Variants in COX14 observed in about 807,000 individuals in gnomAD.
COX14 encodes cytochrome c oxidase assembly protein COX14.
COX14 carries 3 observed loss-of-function variants against 5.8 expected under a neutral mutation model. That is an observed-to-expected ratio of 0.51 (90% confidence interval 0.23 to 1.33). COX14 has a LOEUF of 1.33. Ranked by LOEUF, COX14 falls within the 40% of genes most tolerant of loss-of-function variation. The pLI is 0.18. For missense variants in COX14, 72 were observed against 72.1 expected (o/e 1.00, Z 0.01); for synonymous variants, 25 against 26.1 (o/e 0.96, Z 0.13).
chr12:50,119,022 T>C (rs1396898521), intron 1 of COX14, among the ~76,000 whole-genome samples: 1 of 152,230 alleles, frequency 6.6e-6, no homozygotes, highest in Non-Finnish European at 1.5e-5. Flanking sequence ...AGAAGTAATT[T>C]ATCTCATGCA....
At chr12:50,113,343 G>T (rs1290337249) in intron 1 of COX14, among the ~76,000 whole-genome samples, 1 of 144,940 alleles carries the variant, frequency 6.9e-6, no homozygotes, top group African/African-American at 2.6e-5. Context: ...TTGCTCTGTC[G>T]CCCAGGCTGG....
At chr12:50,113,308 T>C (rs1447150045) in intron 1 of COX14, among the ~76,000 whole-genome samples, 1 of 151,792 alleles carries the variant, frequency 6.6e-6, no homozygotes, top group Non-Finnish European at 1.5e-5. Flanking sequence ...ACGCAATTTT[T>C]TTTTTTTTTT....
At chr12:50,112,415 C>T in intron 1 of COX14, 114 bp downstream of exon 1, 1 of 985,820 alleles carries the variant, frequency 1.0e-6, no homozygotes, top group Non-Finnish European at 1.2e-6. Flanking sequence ...GGCCTGGTGC[C>T]CTTGAATTCA....
chr12:50,120,331 G>A lies in COX14; in HGVS notation c.*114G>A. On this transcript the variant is annotated 3_prime_UTR_variant, in exon 2 of 2. Coordinates refer to ENST00000550487, the MANE Select transcript of COX14 (RefSeq NM_032901.4). ...AGAGCGTTGATGGTTTTCAAACCCTGTTGGAAGAAAGTGCCCATGGTTTCT... is the reference window on the plus strand; with the variant it reads ...AGAGCGTTGATGGTTTTCAAACCCTATTGGAAGAAAGTGCCCATGGTTTCT... The A allele has an allele frequency of 1.1e-6, 1 of 915,428 alleles. No individual in the cohort carries two copies. The highest frequency in any genetic ancestry group is 1.6e-6 in the Non-Finnish European group (1 of 610,706). 56.7% of individuals were successfully genotyped at this position (915,428 alleles called of 1,614,324 possible).
intron 1 of COX14, among the ~76,000 whole-genome samples, chr12:50,117,207 G>A (rs1951088485): frequency 6.6e-6 from 1 of 151,912 alleles, no homozygotes; most frequent in African/African-American, 2.4e-5. Context: ...GTGGGGACAG[G>A]GTCTCACTAT....
At chr12:50,116,677 G>T (rs1374994478) in intron 1 of COX14, among the ~76,000 whole-genome samples, 1 of 152,200 alleles carries the variant, frequency 6.6e-6, no homozygotes, top group East Asian at 1.9e-4. Flanking sequence ...GCTCTTTGCA[G>T]GCGGCTTAGC....
intron 1 of COX14, among the ~76,000 whole-genome samples, chr12:50,115,913 T>G (rs146180067): frequency 6.6e-6 from 1 of 152,192 alleles, no homozygotes; most frequent in East Asian, 1.9e-4. Context: ...CCTCTTCTCT[T>G]GTTTCTTATT....
At chr12:50,114,103 A>G (rs576073148) in intron 1 of COX14, among the ~76,000 whole-genome samples, 1 of 150,836 alleles carries the variant, frequency 6.6e-6, no homozygotes, top group Non-Finnish European at 1.5e-5. Flanking sequence ...ACACCCAGCT[A>G]TGGTTCTCAA....
chr12:50,116,154 A>G (rs10747570), intron 1 of COX14, among the ~76,000 whole-genome samples: 107,380 of 149,960 alleles, frequency 0.72, 39,475 homozygotes, highest in East Asian at 0.92. Context: ...GTGCCGTGGC[A>G]CTCTCTTGGC....
chr12:50,117,422 T>C (rs1353160864), intron 1 of COX14, among the ~76,000 whole-genome samples: 1 of 152,058 alleles, frequency 6.6e-6, no homozygotes, highest in African/African-American at 2.4e-5. Flanking sequence ...TGAGAGCCAT[T>C]AAGTGGAGAG....
chr12:50,118,504 C>T, intron 1 of COX14: 1 of 871,444 alleles, frequency 1.1e-6, no homozygotes, highest in Non-Finnish European at 1.4e-6. Flanking sequence ...CGCGGTGGCT[C>T]ACGCCGTAAT....
chr12:50,114,534 G>C (rs1951061449), intron 1 of COX14, among the ~76,000 whole-genome samples: 1 of 152,070 alleles, frequency 6.6e-6, no homozygotes, highest in African/African-American at 2.4e-5. Context: ...CTACAGGAGT[G>C]AGCCACTGCG....
chr12:50,112,513 G>C, intron 1 of COX14: 1 of 980,944 alleles, frequency 1.0e-6, no homozygotes, highest in Non-Finnish European at 1.2e-6. Flanking sequence ...TCTTGCTAGA[G>C]CTCAGCGCTA....
intron 1 of COX14, among the ~76,000 whole-genome samples, chr12:50,116,088 GAA>G (rs1951078254): frequency 1.6e-5 from 2 of 128,286 alleles, no homozygotes; most frequent in African/African-American, 6.5e-5. Context: ...CTCAGAATCT[GAA>G]GAGTTTTTTT....
At chr12:50,112,364 C>T (rs2137931716) in intron 1 of COX14, 63 bp downstream of exon 1, 3 of 985,556 alleles carry the variant, frequency 3.0e-6, no homozygotes, top group Non-Finnish European at 3.6e-6. Flanking sequence ...CCCACCTGGG[C>T]CAGTCTCCGC....
intron 1 of COX14, among the ~76,000 whole-genome samples, chr12:50,116,906 C>T (rs1283685661): frequency 6.6e-6 from 1 of 152,210 alleles, no homozygotes; most frequent in Non-Finnish European, 1.5e-5. Flanking sequence ...TCAAGACCTG[C>T]CTCAAAGGCA....
At chr12:50,119,569 C>T (rs1392861632) in intron 1 of COX14, among the ~76,000 whole-genome samples, 1 of 152,188 alleles carries the variant, frequency 6.6e-6, no homozygotes, top group African/African-American at 2.4e-5. Context: ...TGGTACACAC[C>T]TGTAGCGTCA....
intron 1 of COX14, among the ~76,000 whole-genome samples, chr12:50,119,097 A>G (rs556291854): frequency 6.6e-6 from 1 of 152,342 alleles, no homozygotes; most frequent in African/African-American, 2.4e-5. Flanking sequence ...ATAGGTTCTT[A>G]GTGTTGGGTT....
chr12:50,114,207 A>G (rs1388455754), intron 1 of COX14, among the ~76,000 whole-genome samples: 1 of 123,766 alleles, frequency 8.1e-6, no homozygotes, highest in Admixed American at 8.9e-5. Context: ...AGGAAGGGGG[A>G]TGTAGTTAAA....
Sources: allele counts gnomAD v4.1 joint callset (sites outside exome capture counted in the v4.1 genomes callset), GRCh38; gene constraint gnomAD v4.1.1; transcripts MANE v1.5; gene names NCBI Gene and HGNC (gene_info 2026-07-23, HGNC 2026-07-21).